SGK3: variants seen among roughly 807,000 people sequenced by gnomAD.
The protein encoded by SGK3 is serine/threonine-protein kinase Sgk3.
In SGK3, 47 loss-of-function variants were observed where a neutral mutation model predicts 68.5. The ratio of observed to expected loss-of-function variants is 0.69; its 90% CI spans 0.54 to 0.87. The LOEUF (loss-of-function observed/expected upper bound fraction) is 0.87. Ranked by LOEUF, SGK3 falls within the 40% of genes least tolerant of loss-of-function variation. The pLI, the probability that SGK3 is intolerant of heterozygous loss-of-function variation, is 0.00. For missense variants in SGK3, 479 were observed against 575.5 expected (o/e 0.83, Z 1.72); for synonymous variants, 181 against 189.1 (o/e 0.96, Z 0.35).
At position 66,734,944 on chromosome 8, in the gene SGK3, CA is replaced by C. The variant is rs35047133; in HGVS notation, c.-122+22127del. 8.3e-3 allele frequency among the ~76,000 whole-genome samples: 755 copies of C among 91,086 alleles called. 9 individuals carry two copies. Among genetic ancestry groups the C allele is most frequent in the South Asian group, 0.043 (127 of 2,966 alleles). 59.8% of individuals were successfully genotyped at this position (91,086 alleles called of 152,430 possible). ...TGGGCAGCAGAGCAAGGCTCCATCTCAAAAAAAAAAAAAAAAGTAGATATGT... is the reference window on the plus strand; with the variant it reads ...TGGGCAGCAGAGCAAGGCTCCATCTCAAAAAAAAAAAAAAAGTAGATATGT... On this transcript the variant is annotated intron_variant, in intron 1 of 16. Transcript: ENST00000521198.
intron 8 of SGK3, among the ~76,000 whole-genome samples, chr8:66,835,087 T>C (rs1267854008): frequency 6.6e-6 from 1 of 151,796 alleles, no homozygotes; most frequent in Non-Finnish European, 1.5e-5. Flanking sequence ...CTGGATAACA[T>C]GACAAAACCC....
At chr8:66,851,571 AATC>A (rs1412329772) in intron 16 of SGK3, among the ~76,000 whole-genome samples, 2 of 152,080 alleles carry the variant, frequency 1.3e-5, no homozygotes, top group African/African-American at 4.8e-5. Context: ...TTATTAATAA[AATC>A]ATATTAATGT....
At chr8:66,826,308 AATTAAACCAGTTATCTGCAC>A (rs1463214651) in intron 6 of SGK3, among the ~76,000 whole-genome samples, 1 of 152,134 alleles carries the variant, frequency 6.6e-6, no homozygotes, top group Non-Finnish European at 1.5e-5. Context: ...TTGAATGGAA[AATTAAACCAGTTATCTGCAC>A]ATTCATTAAC....
At chr8:66,801,086 A>G (rs540830350) in intron 3 of SGK3, among the ~76,000 whole-genome samples, 1 of 151,498 alleles carries the variant, frequency 6.6e-6, no homozygotes, top group Non-Finnish European at 1.5e-5. Context: ...TGCACTTACT[A>G]AATACAGGTT....
In SGK3 at chr8:66,794,958, C is replaced by A. The variant is rs140170024; in HGVS notation, c.96+1126C>A. Among the ~76,000 whole-genome samples the A allele has an allele frequency of 5.0e-3, 758 of 152,272 alleles. 3 individuals are homozygous for A. Among genetic ancestry groups the A allele is most frequent in the Non-Finnish European group, 7.9e-3 (537 of 68,012 alleles). ...CTTTGTTGGCTTGACCAGGGTCTTGCGGCAACTCACCACTGACTCAGTACC... is the reference window on the plus strand; with the variant it reads ...CTTTGTTGGCTTGACCAGGGTCTTGAGGCAACTCACCACTGACTCAGTACC... On this transcript the variant is annotated intron_variant, in intron 2 of 16. Coordinates refer to ENST00000521198, the MANE Select transcript of SGK3 (RefSeq NM_001033578.3).
At chr8:66,767,575 A>G (rs753620898) in intron 1 of SGK3, 11 of 1,429,414 alleles carry the variant, frequency 7.7e-6, no homozygotes, top group South Asian at 1.1e-5. Context: ...CATGAGAGGC[A>G]CTTCACTCAA....
At chr8:66,739,451 A>G (rs1267796399) in intron 1 of SGK3, among the ~76,000 whole-genome samples, 1 of 152,036 alleles carries the variant, frequency 6.6e-6, no homozygotes, top group African/African-American at 2.4e-5. Context: ...CTGGAATGCA[A>G]TGGCACAATC....
chr8:66,842,568 T>A (rs2130728614), intron 13 of SGK3, among the ~76,000 whole-genome samples: 1 of 152,294 alleles, frequency 6.6e-6, no homozygotes, highest in East Asian at 1.9e-4. Context: ...AGGTAATATA[T>A]TTTGGAATGT....
chr8:66,809,784 G>A (rs181455688), intron 4 of SGK3, among the ~76,000 whole-genome samples: 1 of 152,304 alleles, frequency 6.6e-6, no homozygotes, highest in African/African-American at 2.4e-5. Context: ...AATAGTTCTA[G>A]GCAAAGATCA....
intron 15 of SGK3, among the ~76,000 whole-genome samples, chr8:66,849,029 C>T (rs563116821): frequency 5.3e-5 from 8 of 152,218 alleles, no homozygotes; most frequent in Middle Eastern, 3.4e-3. Flanking sequence ...ATTTCTGGAC[C>T]GTTCTCCATT....
At chr8:66,794,409 A>G (rs575795571) in intron 2 of SGK3, among the ~76,000 whole-genome samples, 24 of 152,128 alleles carry the variant, frequency 1.6e-4, no homozygotes, top group Non-Finnish European at 2.6e-4. Context: ...GTGTGCTGAA[A>G]CATACAATAT....
At chr8:66,845,188 C>G (rs1809957443) in intron 14 of SGK3, among the ~76,000 whole-genome samples, 1 of 152,162 alleles carries the variant, frequency 6.6e-6, no homozygotes, top group African/African-American at 2.4e-5. Flanking sequence ...CACCTTAGGT[C>G]AGGAGTTCAA....
chr8:66,736,976 C>A (rs1479281009), intron 1 of SGK3, among the ~76,000 whole-genome samples: 1 of 151,856 alleles, frequency 6.6e-6, no homozygotes, highest in Non-Finnish European at 1.5e-5. Flanking sequence ...AGAGGCCTTG[C>A]TATGTTCCCC....
At chr8:66,770,919 G>C (rs1462700915) in intron 1 of SGK3, among the ~76,000 whole-genome samples, 1 of 152,112 alleles carries the variant, frequency 6.6e-6, no homozygotes, top group African/African-American at 2.4e-5. Flanking sequence ...CCTGTATCAT[G>C]GTGTGTAAGG....
At position 66,790,130 on chromosome 8, in the gene SGK3, A is replaced by C. The variant is rs185012261; in HGVS notation, c.-121-3486A>C. On this transcript the variant is annotated intron_variant, in intron 1 of 16. Coordinates refer to ENST00000521198, the MANE Select transcript of SGK3 (RefSeq NM_001033578.3). ...TAATCTTATTAGTCTTCCTTGATCTAAGATCCTTTGAATATATTCCTATAT... is the reference window on the plus strand; with the variant it reads ...TAATCTTATTAGTCTTCCTTGATCTCAGATCCTTTGAATATATTCCTATAT... Among the ~76,000 whole-genome samples the C allele has an allele frequency of 7.9e-5, 12 of 152,182 alleles. No individual in the cohort carries two copies. The East Asian group carries it at 1.7e-3, about 22-fold the overall frequency.
chr8:66,782,591 A>T (rs1484541855), intron 1 of SGK3, among the ~76,000 whole-genome samples: 3 of 152,236 alleles, frequency 2.0e-5, no homozygotes, highest in Admixed American at 6.5e-5. Flanking sequence ...ATAGTGTCAC[A>T]GAGTATTTTC....
intron 1 of SGK3, among the ~76,000 whole-genome samples, chr8:66,716,867 T>G (rs967423048): frequency 2.6e-4 from 40 of 152,256 alleles, no homozygotes; most frequent in African/African-American, 9.4e-4. Context: ...TAGGTAGCTT[T>G]CTTCAAGCCA....
chr8:66,737,360 A>C (rs1227521855), intron 1 of SGK3: 1 of 152,088 alleles, frequency 6.6e-6, no homozygotes, highest in Non-Finnish European at 1.5e-5. Context: ...CTCTTAAAAA[A>C]AAAAAAATTC....
At chr8:66,741,137 C>A (rs1237665356) in intron 1 of SGK3, among the ~76,000 whole-genome samples, 1 of 152,084 alleles carries the variant, frequency 6.6e-6, no homozygotes, top group Non-Finnish European at 1.5e-5. Context: ...TAAGTCTGGA[C>A]AGTTTGATCA....
Sources: gnomAD v4.1 joint callset for allele counts (sites outside exome capture counted in the v4.1 genomes callset) on GRCh38, gnomAD v4.1.1 for gene constraint, MANE v1.5 for transcripts, NCBI Gene and HGNC (gene_info 2026-07-23, HGNC 2026-07-21) for gene names.